The following TENM2 variants were observed in gnomAD, a reference collection of about 807,000 sequenced individuals.
The protein encoded by TENM2 is teneurin transmembrane protein 2.
Under a neutral mutation model 245.2 loss-of-function variants are expected in TENM2, and 52 were observed. The ratio of observed to expected loss-of-function variants is 0.21; its 90% CI spans 0.17 to 0.27. The LOEUF (loss-of-function observed/expected upper bound fraction) is 0.27, where lower values mean the gene tolerates loss of function less well. Ranked by LOEUF, TENM2 falls within the 10% of genes least tolerant of loss-of-function variation. The pLI, the probability that TENM2 is intolerant of heterozygous loss-of-function variation, is 1.00. For missense variants in TENM2, 3,046 were observed against 3,666.8 expected (o/e 0.83, Z 4.37); for synonymous variants, 1,363 against 1,438.9 (o/e 0.95, Z 1.19).
At chr5:167,046,552 A>C in the TENM2 span, among the ~76,000 whole-genome samples, 1 of 152,196 alleles carries the variant, frequency 6.6e-6, no homozygotes, top group Non-Finnish European at 1.5e-5. Flanking sequence ...GGGTTAGTAC[A>C]CTACTAATAA....
rs79651420 is a variant in TENM2 at position 167,422,876 on chromosome 5, A to G, written c.502+47403A>G. 3.5e-3 allele frequency among the ~76,000 whole-genome samples: 540 copies of G among 152,302 alleles called. 3 individuals are homozygous for G. The highest frequency in any genetic ancestry group is 0.012 in the African/African-American group (517 of 41,576). On this transcript the variant is annotated intron_variant, in intron 2 of 28. Transcript: ENST00000518659. ...CAGGAAGTCTAGAAAGATTTGTTCA[A>G]CTGAAATGAGCTTATAATCAGGCTT...
intron 1 of TENM2, among the ~76,000 whole-genome samples, chr5:167,372,938 G>A (rs1760522299): frequency 6.6e-6 from 1 of 152,164 alleles, no homozygotes; most frequent in African/African-American, 2.4e-5. Context: ...GATGCAAACT[G>A]GAACAGAATA....
intron 2 of TENM2, among the ~76,000 whole-genome samples, chr5:167,531,784 T>C (rs1771522755): frequency 6.6e-6 from 1 of 152,146 alleles, no homozygotes; most frequent in Admixed American, 6.5e-5. Flanking sequence ...TTCAAAGCTG[T>C]TGGGGTTTTG....
chr5:168,011,507 T>A (rs1345378637), intron 5 of TENM2, among the ~76,000 whole-genome samples: 2 of 152,242 alleles, frequency 1.3e-5, no homozygotes, highest in Non-Finnish European at 2.9e-5. Context: ...GGTTGAAAAT[T>A]CCTGCTCTAA....
intron 2 of TENM2, among the ~76,000 whole-genome samples, chr5:167,576,949 T>A (rs2127672547): frequency 6.6e-6 from 1 of 152,308 alleles, no homozygotes; most frequent in East Asian, 1.9e-4. Context: ...GAAATGTAAT[T>A]AACATTGGAT....
chr5:167,370,341 C>CAAAA (rs35067759), intron 1 of TENM2, among the ~76,000 whole-genome samples: 41 of 73,490 alleles, frequency 5.6e-4, no homozygotes, highest in Non-Finnish European at 7.4e-4. Context: ...GACTCCGTCT[C>CAAAA]AAAAAAAAAA....
At chr5:167,608,795 G>A (rs1024247297) in intron 2 of TENM2, among the ~76,000 whole-genome samples, 70 of 152,144 alleles carry the variant, frequency 4.6e-4, no homozygotes, top group African/African-American at 1.5e-3. Context: ...AAATGCTTTT[G>A]TGCTTTGATA....
At position 167,937,927 on chromosome 5, in the gene TENM2, G is replaced by A. The variant is rs181146012; in HGVS notation, c.713-14661G>A. 20 of 152,284 alleles carry A rather than the reference G, an allele frequency of 1.3e-4. No homozygotes were observed. In the East Asian group the frequency reaches 3.9e-3, roughly 30 times the overall value. The allele number at this position is 152,284 out of a possible 1,614,324, so 9.4% of individuals were successfully genotyped here. On this transcript the variant is annotated intron_variant, in intron 3 of 28. Coordinates refer to ENST00000518659, the Ensembl canonical transcript of TENM2. ...TCTTGCTCCATTTCATGCATGCAAA[G>A]AGCACCCTGAAAATCACGTGTCTCC...
chr5:167,899,281 TAAAG>T (rs1775497429), intron 3 of TENM2, among the ~76,000 whole-genome samples: 1 of 151,960 alleles, frequency 6.6e-6, no homozygotes, highest in Non-Finnish European at 1.5e-5. Context: ...TTATCAAAGC[TAAAG>T]AAAGAGTAGG....
the TENM2 span, among the ~76,000 whole-genome samples, chr5:167,097,263 G>C: frequency 6.6e-6 from 1 of 152,138 alleles, no homozygotes; most frequent in East Asian, 1.9e-4. Context: ...AAAAATTCAG[G>C]ATGTTATTTA....
chr5:167,490,425 G>T (rs1427773682), intron 2 of TENM2, among the ~76,000 whole-genome samples: 2 of 151,930 alleles, frequency 1.3e-5, no homozygotes, highest in African/African-American at 4.8e-5. Context: ...GTTTTGATTT[G>T]CCGTTTTTCT....
At chr5:167,746,714 A>AGAGAGAGAGC (rs1761608904) in intron 2 of TENM2, among the ~76,000 whole-genome samples, 1 of 149,700 alleles carries the variant, frequency 6.7e-6, no homozygotes, top group Non-Finnish European at 1.5e-5. Context: ...AGAGAGAGAG[A>AGAGAGAGAGC]GCTGGACTCT....
chr5:168,242,565 G>A (rs1038373207), intron 25 of TENM2, among the ~76,000 whole-genome samples: 2 of 152,170 alleles, frequency 1.3e-5, no homozygotes, highest in Non-Finnish European at 2.9e-5. Context: ...TTTATCATTT[G>A]TCAAATGGTC....
chr5:167,264,634 C>T, the TENM2 span, among the ~76,000 whole-genome samples: 1 of 152,124 alleles, frequency 6.6e-6, no homozygotes, highest in African/African-American at 2.4e-5. Context: ...ATCTTAAGAT[C>T]CCATAATTGT....
At chr5:167,211,823 G>A in the TENM2 span, among the ~76,000 whole-genome samples, 1 of 151,950 alleles carries the variant, frequency 6.6e-6, no homozygotes, top group Non-Finnish European at 1.5e-5. Flanking sequence ...TATATTATAT[G>A]TAATGTCATA....
chr5:167,285,001 T>G, exon 1 of TENM2: 2 of 1,552,094 alleles, frequency 1.3e-6, no homozygotes, highest in Admixed American at 2.0e-5. Flanking sequence ...GACAGCAGGA[T>G]GCACTATGGA....
chr5:168,235,755 C>T (rs528363561), intron 25 of TENM2, among the ~76,000 whole-genome samples: 1 of 151,676 alleles, frequency 6.6e-6, no homozygotes, highest in Admixed American at 6.6e-5. Flanking sequence ...TGCAGTAAGC[C>T]GAGATGGCAC....
intron 5 of TENM2, among the ~76,000 whole-genome samples, chr5:168,018,053 T>G (rs1227776591): frequency 2.0e-5 from 3 of 152,234 alleles, no homozygotes; most frequent in Admixed American, 2.0e-4. Context: ...AGCTTAAACT[T>G]TATCTTCTGG....
chr5:167,100,216 G>A, the TENM2 span, among the ~76,000 whole-genome samples: 1 of 152,126 alleles, frequency 6.6e-6, no homozygotes, highest in Non-Finnish European at 1.5e-5. Flanking sequence ...TACAGATACT[G>A]GGTGAATGAT....
Sources: gnomAD v4.1 joint callset for allele counts (sites outside exome capture counted in the v4.1 genomes callset) on GRCh38, gnomAD v4.1.1 for gene constraint, MANE v1.5 for transcripts, NCBI Gene and HGNC (gene_info 2026-07-23, HGNC 2026-07-21) for gene names.